TENM2: variants seen among roughly 807,000 people sequenced by gnomAD.
The protein encoded by TENM2 is teneurin-2.
Under a neutral mutation model 245.2 loss-of-function variants are expected in TENM2, and 52 were observed. The ratio of observed to expected loss-of-function variants is 0.21; its 90% CI spans 0.17 to 0.27. TENM2 has a LOEUF of 0.27. Among genes scored for constraint, TENM2 ranks in the 10% least tolerant of loss-of-function variants. The pLI is 1.00. For missense variants in TENM2, 3,046 were observed against 3,666.8 expected, an observed-to-expected ratio of 0.83 and a Z score of 4.37; for synonymous variants, 1,363 against 1,438.9, an observed-to-expected ratio of 0.95 and a Z score of 1.19.
intron 7 of TENM2, among the ~76,000 whole-genome samples, chr5:168,067,670 G>GGACT (rs1475522346): frequency 1.3e-5 from 2 of 152,042 alleles, no homozygotes; most frequent in African/African-American, 4.8e-5. Flanking sequence ...ATTAGATGTG[G>GGACT]GACTAACTGT....
chr5:167,507,050 G>A (rs1184205146), intron 2 of TENM2, among the ~76,000 whole-genome samples: 2 of 152,128 alleles, frequency 1.3e-5, no homozygotes, highest in South Asian at 2.1e-4. Flanking sequence ...GTAGCCAGAA[G>A]CATTTTTTTG....
intron 2 of TENM2, among the ~76,000 whole-genome samples, chr5:167,663,032 T>C (rs1023654940): frequency 6.6e-6 from 1 of 152,180 alleles, no homozygotes; most frequent in Admixed American, 6.5e-5. Flanking sequence ...GGATAAATTA[T>C]ATCTTATCTT....
intron 2 of TENM2, among the ~76,000 whole-genome samples, chr5:167,840,104 A>G (rs1769366834): frequency 6.6e-6 from 1 of 152,234 alleles, no homozygotes; most frequent in African/African-American, 2.4e-5. Flanking sequence ...TACAGGCGTG[A>G]GCCACCACAC....
At chr5:167,252,493 C>A in the TENM2 span, among the ~76,000 whole-genome samples, 46 of 152,244 alleles carry the variant, frequency 3.0e-4, no homozygotes, top group African/African-American at 1.0e-3. Context: ...CTGATACCTT[C>A]ATCATGTGTC....
At chr5:168,047,904 CAGCAGG>C (rs1788752389) in intron 6 of TENM2, among the ~76,000 whole-genome samples, 1 of 151,786 alleles carries the variant, frequency 6.6e-6, no homozygotes, top group African/African-American at 2.4e-5. Context: ...GCAGCAGCAG[CAGCAGG>C]AGAAAGTCCT....
exon 22 of TENM2, chr5:168,216,814 C>T (rs1763236778): frequency 6.2e-7 from 1 of 1,613,854 alleles, no homozygotes; most frequent in African/African-American, 1.3e-5. Context: ...TCGATGCCAC[C>T]ATGATCCGGA....
At chr5:167,777,536 T>A (rs557291875) in intron 2 of TENM2, among the ~76,000 whole-genome samples, 86 of 152,316 alleles carry the variant, frequency 5.6e-4, no homozygotes, top group Non-Finnish European at 1.1e-3. Flanking sequence ...TCCCTGGCCT[T>A]GAATCTCAGC....
chr5:168,249,697 T>G (rs2152696257), intron 27 of TENM2, among the ~76,000 whole-genome samples: 1 of 152,132 alleles, frequency 6.6e-6, no homozygotes, highest in East Asian at 1.9e-4. Context: ...AAGTGAGAAA[T>G]GGGTGAAATG....
At position 167,445,330 on chromosome 5, in the gene TENM2, T is replaced by TAGAGAG. The variant is rs1275688569; in HGVS notation, c.502+69858_502+69859insGAGAGA. 3.6e-3 allele frequency among the ~76,000 whole-genome samples: 177 copies of TAGAGAG among 49,152 alleles called. 1 individual carries two copies. The highest frequency in any genetic ancestry group is 6.0e-3 in the East Asian group (12 of 2,002). The allele number at this position is 49,152 out of a possible 152,430, so 32.2% of individuals were successfully genotyped here. A position where few individuals can be genotyped will look rare whatever the true frequency, so the allele number is the denominator to read the frequency against. On this transcript the variant is annotated intron_variant, in intron 2 of 28. Coordinates refer to ENST00000518659, the Ensembl canonical transcript of TENM2. Reference sequence around the variant, plus strand: ...ATATGATTATATATATATATATATATATATATAGAGAGAGAGAGAGAGAGA... The same window carrying TAGAGAG: ...ATATGATTATATATATATATATATATAGAGAGATATATAGAGAGAGAGAGAGAGAGA...
At chr5:167,737,659 C>G (rs891568549) in intron 2 of TENM2, among the ~76,000 whole-genome samples, 2 of 152,142 alleles carry the variant, frequency 1.3e-5, no homozygotes, top group African/African-American at 2.4e-5. Context: ...TACATCAAGG[C>G]TCTACATAAT....
intron 1 of TENM2, among the ~76,000 whole-genome samples, chr5:167,294,945 G>A (rs1406455921): frequency 6.6e-6 from 1 of 152,120 alleles, no homozygotes; most frequent in Non-Finnish European, 1.5e-5. Context: ...TGTGGTTCAC[G>A]TCTTTGGTGA....
intron 7 of TENM2, among the ~76,000 whole-genome samples, chr5:168,065,852 A>AG (rs1291161520): frequency 6.6e-4 from 89 of 133,838 alleles, no homozygotes; most frequent in African/African-American, 2.4e-3. Flanking sequence ...CAAAGAACAA[A>AG]GGTTTTTTTT....
intron 1 of TENM2, among the ~76,000 whole-genome samples, chr5:167,294,868 G>A (rs1032828612): frequency 1.3e-5 from 2 of 152,134 alleles, no homozygotes; most frequent in African/African-American, 4.8e-5. Context: ...ATCTTCCTAT[G>A]TCTATTTTTT....
the TENM2 span, among the ~76,000 whole-genome samples, chr5:167,084,372 T>TATATATATACACA: frequency 8.2e-6 from 1 of 121,976 alleles, no homozygotes; most frequent in Non-Finnish European, 1.8e-5. Context: ...TATATACAGA[T>TATATATATACACA]CAGATTGAGA....
At chr5:167,990,956 G>A (rs1783620743) in intron 4 of TENM2, among the ~76,000 whole-genome samples, 1 of 152,150 alleles carries the variant, frequency 6.6e-6, no homozygotes, top group African/African-American at 2.4e-5. Context: ...GGTGTAGTAG[G>A]TCTGATTAGA....
At chr5:167,143,219 G>T in the TENM2 span, among the ~76,000 whole-genome samples, 5 of 152,178 alleles carry the variant, frequency 3.3e-5, no homozygotes, top group African/African-American at 1.2e-4. Context: ...ATGAGGCTTC[G>T]ATATGACCAT....
At chr5:167,688,459 C>T (rs755537529) in intron 2 of TENM2, among the ~76,000 whole-genome samples, 5 of 152,060 alleles carry the variant, frequency 3.3e-5, no homozygotes, top group Admixed American at 6.5e-5. Flanking sequence ...TGAGAATTTC[C>T]GTCATCATCC....
At chr5:167,732,919 G>C (rs557501199) in intron 2 of TENM2, among the ~76,000 whole-genome samples, 1 of 152,276 alleles carries the variant, frequency 6.6e-6, no homozygotes, top group East Asian at 1.9e-4. Context: ...CATGCCATGT[G>C]TTCACTTTTC....
At chr5:167,759,028 G>A (rs1222973994) in intron 2 of TENM2, among the ~76,000 whole-genome samples, 1 of 150,750 alleles carries the variant, frequency 6.6e-6, no homozygotes, top group African/African-American at 2.5e-5. Flanking sequence ...TTTGATAGTA[G>A]ATAACAGTAG....
Sources: gnomAD v4.1 joint callset for allele counts (sites outside exome capture counted in the v4.1 genomes callset) on GRCh38, gnomAD v4.1.1 for gene constraint, MANE v1.5 for transcripts, NCBI Gene and HGNC (gene_info 2026-07-23, HGNC 2026-07-21) for gene names.